Variants in NDUFAF7 observed in about 807,000 individuals in gnomAD.
The protein encoded by NDUFAF7 is NADH:ubiquinone oxidoreductase complex assembly factor 7.
A neutral mutation model predicts 47.2 loss-of-function variants in NDUFAF7; 48 were observed. The ratio of observed to expected loss-of-function variants is 1.02; its 90% CI spans 0.81 to 1.29. The LOEUF (loss-of-function observed/expected upper bound fraction) is 1.29. Ranked by LOEUF, NDUFAF7 falls within the 50% of genes most tolerant of loss-of-function variation. The pLI is 0.00. For synonymous variants in NDUFAF7, 217 were observed against 190.0 expected, an observed-to-expected ratio of 1.14 and a Z score of -1.17; for missense variants, 635 against 537.6, an observed-to-expected ratio of 1.18 and a Z score of -1.79.
downstream of NDUFAF7, chr2:37,257,065 G>A: frequency 9.9e-7 from 1 of 1,009,648 alleles, no homozygotes; most frequent in Non-Finnish European, 1.4e-6. Context: ...TCACAGATAA[G>A]GAAATTGTAA....
intron 7 of NDUFAF7, 102 bp downstream of exon 7, chr2:37,244,075 G>T: frequency 9.9e-7 from 1 of 1,008,694 alleles, no homozygotes; most frequent in East Asian, 2.6e-5. Flanking sequence ...TTTACAGGAA[G>T]AGTTGCTAGT....
Position 37,231,735 on chromosome 2 carries a change from G to C in NDUFAF7, c.30G>C (p.Gly10=). ...GTGTACTGCTGAGGTCAGGTTTGGG[G>C]CCGTTGTGTGCCGTGGCGCGCGCAG... MSVLLRSGL[G]PLCAVARAAI... is the part of the protein sequence containing the mutation. Residue 10 remains glycine (G), a synonymous_variant, in exon 1 of 10, where the codon GGG becomes GGC. Coordinates refer to ENST00000002125, the MANE Select transcript of NDUFAF7 (RefSeq NM_144736.5). 6.2e-7 allele frequency: 1 copy of C among 1,614,236 alleles called. No homozygotes were observed. Among genetic ancestry groups the C allele is most frequent in the South Asian group, 1.1e-5 (1 of 91,084 alleles).
the NDUFAF7 span, among the ~76,000 whole-genome samples, chr2:37,261,071 T>A: frequency 1.3e-5 from 2 of 152,250 alleles, no homozygotes; most frequent in Non-Finnish European, 1.5e-5. Context: ...TTTCTGGACA[T>A]AAATCTAAAT....
At chr2:37,261,509 G>A in the NDUFAF7 span, among the ~76,000 whole-genome samples, 3 of 151,946 alleles carry the variant, frequency 2.0e-5, no homozygotes, top group Admixed American at 6.6e-5. Context: ...GGCCGGGCGC[G>A]GTGGCTCACG....
chr2:37,236,019 TTAAGATTTTG>T (rs1368237211), intron 2 of NDUFAF7, 67 bp from the exon 3 acceptor site: 2 of 1,184,460 alleles, frequency 1.7e-6, no homozygotes, highest in Admixed American at 3.4e-5. Context: ...TTTACATTAT[TTAAGATTTTG>T]GAGGGGTATT....
downstream of NDUFAF7, chr2:37,250,722 A>C (rs1464027950): frequency 2.0e-5 from 3 of 152,300 alleles, no homozygotes; most frequent in Non-Finnish European, 2.9e-5. Flanking sequence ...GTGATAGGAA[A>C]TACATTTTAT....
At chr2:37,244,414 C>T (rs1489104909) in intron 7 of NDUFAF7, among the ~76,000 whole-genome samples, 2 of 152,162 alleles carry the variant, frequency 1.3e-5, no homozygotes, top group Admixed American at 1.3e-4. Flanking sequence ...TAGGTAGGTT[C>T]TATTATTATC....
At chr2:37,249,463 G>T (rs895961202), downstream of NDUFAF7, among the ~76,000 whole-genome samples, 17 of 151,868 alleles carry the variant, frequency 1.1e-4, no homozygotes, top group Non-Finnish European at 1.5e-4. Flanking sequence ...TGTAATCCTA[G>T]CTACTCACGA....
chr2:37,267,413 T>C, the NDUFAF7 span: 1 of 1,521,882 alleles, frequency 6.6e-7, no homozygotes, highest in East Asian at 2.3e-5. Flanking sequence ...AACCAGTTTT[T>C]TATTTTTTAT....
the NDUFAF7 span, chr2:37,259,560 A>G: frequency 6.4e-7 from 1 of 1,562,264 alleles, no homozygotes; most frequent in South Asian, 1.1e-5. Context: ...GAATCATTTA[A>G]AAGGTTCTGG....
chr2:37,246,304 TA>T, intron 8 of NDUFAF7, 109 bp downstream of exon 8: 2 of 1,258,586 alleles, frequency 1.6e-6, no homozygotes, highest in Non-Finnish European at 1.1e-6. Context: ...TACATTATTT[TA>T]TAGTTAACAT....
In NDUFAF7 at chr2:37,243,869, C is replaced by A. The variant is rs573041711; in HGVS notation, c.688C>A (p.Pro230Thr). Residue 230 changes from proline (P) to threonine (T), a missense_variant, in exon 7 of 10, where the codon CCA becomes ACA. Coordinates refer to ENST00000002125, the MANE Select transcript of NDUFAF7 (RefSeq NM_144736.5). ...VLPVHKFQKT[P>T]QGWREVFVDI... ...TGTGTTATTTTGTGTTTAGAAAACACCACAGGGATGGCGAGAAGTATTTGT... is the reference window on the plus strand; with the variant it reads ...TGTGTTATTTTGTGTTTAGAAAACAACACAGGGATGGCGAGAAGTATTTGT... The A allele has an allele frequency of 1.2e-6, 2 of 1,613,816 alleles. No homozygotes were observed. Among genetic ancestry groups the A allele is most frequent in the Non-Finnish European group, 8.5e-7 (1 of 1,179,844 alleles).
At chr2:37,257,147 C>T (rs1668017080), downstream of NDUFAF7, among the ~76,000 whole-genome samples, 1 of 152,106 alleles carries the variant, frequency 6.6e-6, no homozygotes, top group Admixed American at 6.6e-5. Flanking sequence ...GAAGAGCTTT[C>T]CTAGTACATA....
chr2:37,235,191 G>A (rs1665624125), intron 2 of NDUFAF7, among the ~76,000 whole-genome samples: 1 of 151,898 alleles, frequency 6.6e-6, no homozygotes, highest in South Asian at 2.1e-4. Flanking sequence ...GACTGCCAGG[G>A]AAAGTTGAAA....
At chr2:37,246,950 ATATTG>A in intron 8 of NDUFAF7, among the ~76,000 whole-genome samples, 2 of 152,120 alleles carry the variant, frequency 1.3e-5, no homozygotes, top group Non-Finnish European at 2.9e-5. Flanking sequence ...TTACATGGGT[ATATTG>A]CATTGACTCT....
the NDUFAF7 span, among the ~76,000 whole-genome samples, chr2:37,259,309 G>T: frequency 6.6e-6 from 1 of 152,220 alleles, no homozygotes; most frequent in Admixed American, 6.5e-5. Context: ...AACCAAGGTT[G>T]ATACTTGCTC....
the NDUFAF7 span, among the ~76,000 whole-genome samples, chr2:37,262,308 G>A: frequency 1.1e-4 from 16 of 152,104 alleles, no homozygotes; most frequent in African/African-American, 3.9e-4. Context: ...AGTTTCCACT[G>A]TATTGTAATA....
chr2:37,233,174 G>T (rs1665366464), intron 2 of NDUFAF7, among the ~76,000 whole-genome samples: 1 of 152,216 alleles, frequency 6.6e-6, no homozygotes, highest in Admixed American at 6.5e-5. Flanking sequence ...TTTAGCTTGA[G>T]CAGTTGGGTG....
At chr2:37,238,019 T>G in intron 4 of NDUFAF7, 152 bp downstream of exon 4, 1 of 653,696 alleles carries the variant, frequency 1.5e-6, no homozygotes, top group Non-Finnish European at 2.6e-6. Flanking sequence ...CAGTCATTAC[T>G]TACTGTTGTC....
Sources: allele counts gnomAD v4.1 joint callset (sites outside exome capture counted in the v4.1 genomes callset), GRCh38; gene constraint gnomAD v4.1.1; transcripts MANE v1.5; gene names NCBI Gene and HGNC (gene_info 2026-07-23, HGNC 2026-07-21).